Variants in SGCZ observed in about 807,000 individuals in gnomAD.
SGCZ encodes the protein zeta-sarcoglycan.
SGCZ carries 40 observed loss-of-function variants against 41.3 expected under a neutral mutation model. That is an observed-to-expected ratio of 0.97 (90% CI 0.75 to 1.26). The LOEUF (loss-of-function observed/expected upper bound fraction) is 1.26, where lower values mean the gene tolerates loss of function less well. Among genes scored for constraint, SGCZ ranks in the 50% most tolerant of loss-of-function variants. The pLI is 0.00. For missense variants in SGCZ, 552 were observed against 369.8 expected (o/e 1.49, Z -4.04); for synonymous variants, 206 against 137.5 (o/e 1.50, Z -3.49).
At chr8:14,405,608 T>A (rs894487697) in intron 2 of SGCZ, among the ~76,000 whole-genome samples, 5 of 152,282 alleles carry the variant, frequency 3.3e-5, no homozygotes, top group Admixed American at 1.3e-4. Context: ...CAAAAACAGA[T>A]GAAGTACAGA....
chr8:14,267,807 A>G (rs930967983), intron 3 of SGCZ, among the ~76,000 whole-genome samples: 1 of 152,184 alleles, frequency 6.6e-6, no homozygotes, highest in South Asian at 2.1e-4. Context: ...AGAATCTTTC[A>G]GAGCCTTTAT....
intron 1 of SGCZ, among the ~76,000 whole-genome samples, chr8:15,183,314 G>C (rs1010471887): frequency 6.6e-6 from 1 of 152,142 alleles, no homozygotes; most frequent in Non-Finnish European, 1.5e-5. Flanking sequence ...CAGTAGCTTT[G>C]TTTACACCAG....
chr8:14,649,739 C>G (rs1287584284), intron 1 of SGCZ, among the ~76,000 whole-genome samples: 1 of 151,998 alleles, frequency 6.6e-6, no homozygotes, highest in Non-Finnish European at 1.5e-5. Flanking sequence ...CCACCTGAAA[C>G]AAACGCCTGT....
chr8:14,351,747 A>G (rs1048626299), intron 2 of SGCZ, among the ~76,000 whole-genome samples: 11 of 152,026 alleles, frequency 7.2e-5, no homozygotes, highest in Non-Finnish European at 1.6e-4. Flanking sequence ...TTATATTATG[A>G]TTTTGAATTC....
intron 1 of SGCZ, among the ~76,000 whole-genome samples, chr8:14,596,834 A>G (rs1298293493): frequency 6.6e-6 from 1 of 152,172 alleles, no homozygotes; most frequent in African/African-American, 2.4e-5. Flanking sequence ...AATTAGAGTA[A>G]AATAAAAAAT....
intron 1 of SGCZ, among the ~76,000 whole-genome samples, chr8:14,719,948 G>T (rs1809825935): frequency 6.6e-6 from 1 of 151,978 alleles, no homozygotes; most frequent in Admixed American, 6.6e-5. Flanking sequence ...GTCCTGAATG[G>T]TAACGCCTAG....
At chr8:14,843,278 G>A (rs1306992435) in intron 1 of SGCZ, among the ~76,000 whole-genome samples, 2 of 151,958 alleles carry the variant, frequency 1.3e-5, no homozygotes, top group Non-Finnish European at 2.9e-5. Context: ...AGGACAGGAA[G>A]TTAAGTCTTT....
At chr8:14,207,334 T>C (rs1224481974) in intron 4 of SGCZ, among the ~76,000 whole-genome samples, 1 of 152,308 alleles carries the variant, frequency 6.6e-6, no homozygotes, top group East Asian at 1.9e-4. Context: ...GTCAGTTCTT[T>C]AGTTCTACTT....
intron 1 of SGCZ, among the ~76,000 whole-genome samples, chr8:15,113,769 C>G (rs1428134439): frequency 6.6e-6 from 1 of 152,206 alleles, no homozygotes; most frequent in Non-Finnish European, 1.5e-5. Flanking sequence ...CTACAATCCT[C>G]CTACAATCTT....
chr8:14,746,861 A>G (rs920924203), intron 1 of SGCZ, among the ~76,000 whole-genome samples: 1 of 152,182 alleles, frequency 6.6e-6, no homozygotes, highest in African/African-American at 2.4e-5. Flanking sequence ...GTTTTTTAAC[A>G]TAAGCATCTT....
At chr8:14,726,145 G>C (rs1810042280) in intron 1 of SGCZ, among the ~76,000 whole-genome samples, 1 of 151,044 alleles carries the variant, frequency 6.6e-6, no homozygotes. Context: ...TGTAGTCCCA[G>C]CTACTCGGGA....
intron 1 of SGCZ, among the ~76,000 whole-genome samples, chr8:14,732,991 C>T (rs1161995879): frequency 6.6e-6 from 1 of 151,928 alleles, no homozygotes; most frequent in Non-Finnish European, 1.5e-5. Flanking sequence ...GTATTAACCT[C>T]GTGTTTCTGA....
chr8:14,736,314 C>T (rs1365770666), intron 1 of SGCZ, among the ~76,000 whole-genome samples: 1 of 152,114 alleles, frequency 6.6e-6, no homozygotes, highest in Non-Finnish European at 1.5e-5. Flanking sequence ...CATAAATTCC[C>T]TTTAAATAGT....
chr8:14,552,409 G>C (rs2117185045), intron 2 of SGCZ, among the ~76,000 whole-genome samples: 1 of 152,064 alleles, frequency 6.6e-6, no homozygotes, highest in South Asian at 2.1e-4. Flanking sequence ...CTTCATCTGT[G>C]CATTTTACTT....
rs775281489 is a variant in SGCZ at position 14,166,610 on chromosome 8, G to C, written c.425-1908C>G. On this transcript the variant is annotated intron_variant, in intron 4 of 7. Transcript: ENST00000382080. Reference sequence around the variant, plus strand: ...ATATACTCAGTTGCTGAGCATAATTGATTCTCAAAATATATCGCTGACTTT... The same window carrying C: ...ATATACTCAGTTGCTGAGCATAATTCATTCTCAAAATATATCGCTGACTTT... 6.6e-5 allele frequency among the ~76,000 whole-genome samples: 10 copies of C among 152,180 alleles called. No homozygotes were observed. The South Asian group carries it at 1.5e-3, about 22-fold the overall frequency.
chr8:14,378,262 G>T (rs1160908376), intron 2 of SGCZ, among the ~76,000 whole-genome samples: 3 of 151,670 alleles, frequency 2.0e-5, no homozygotes, highest in African/African-American at 4.9e-5. Context: ...GTTTTGATTT[G>T]CATTTCTCTG....
rs184778544 is a variant in SGCZ, at chr8:14,477,394, T to C, written c.234+77338A>G. ...GTTAATATTCTTCACTGAAATTTGC[T>C]ACCTATATTTTTATACTTCTTACCA... On this transcript the variant is annotated intron_variant, in intron 2 of 7. Transcript: ENST00000382080. Among the ~76,000 whole-genome samples the C allele has an allele frequency of 1.7e-4, 26 of 152,276 alleles. 1 individual carries two copies. Among genetic ancestry groups the C allele is most frequent in the Admixed American group, 1.6e-3 (25 of 15,292 alleles).
intron 1 of SGCZ, among the ~76,000 whole-genome samples, chr8:15,109,880 CTCTT>C (rs1257149822): frequency 6.6e-6 from 1 of 152,058 alleles, no homozygotes; most frequent in Non-Finnish European, 1.5e-5. Context: ...ATAAGGCAAT[CTCTT>C]TATGGGCAAT....
intron 5 of SGCZ, among the ~76,000 whole-genome samples, chr8:14,124,992 A>G (rs1802807334): frequency 6.6e-6 from 1 of 152,194 alleles, no homozygotes; most frequent in African/African-American, 2.4e-5. Context: ...ATTCCTATAC[A>G]CGAACAAAAG....
Sources: allele counts gnomAD v4.1 joint callset (sites outside exome capture counted in the v4.1 genomes callset), GRCh38; gene constraint gnomAD v4.1.1; transcripts MANE v1.5; gene names NCBI Gene and HGNC (gene_info 2026-07-23, HGNC 2026-07-21).